The following CACNA1I variants were observed in gnomAD, a reference collection of about 807,000 sequenced individuals.
The protein encoded by CACNA1I is voltage-dependent T-type calcium channel subunit alpha-1I.
Under a neutral mutation model 201.6 loss-of-function variants are expected in CACNA1I, and 74 were observed. The observed-to-expected ratio is 0.37, with a 90% confidence interval of 0.30 to 0.45. The LOEUF (loss-of-function observed/expected upper bound fraction) is 0.45, where lower values mean the gene tolerates loss of function less well. Among genes scored for constraint, CACNA1I ranks in the 20% least tolerant of loss-of-function variants. The pLI is 1.00. For synonymous variants in CACNA1I, 1,431 were observed against 1,345.2 expected (o/e 1.06, Z -1.40); for missense variants, 2,346 against 3,138.1 (o/e 0.75, Z 6.03).
At chr22:39,635,275 C>T (rs1934178754) in intron 5 of CACNA1I, among the ~76,000 whole-genome samples, 1 of 152,188 alleles carries the variant, frequency 6.6e-6, no homozygotes, top group African/African-American at 2.4e-5. Flanking sequence ...AATAGGAGAG[C>T]ATCTTCATCC....
At chr22:39,590,380 C>A (rs1932807239) in intron 1 of CACNA1I, among the ~76,000 whole-genome samples, 1 of 152,222 alleles carries the variant, frequency 6.6e-6, no homozygotes, top group Admixed American at 6.5e-5. Flanking sequence ...TTCTGAACCA[C>A]AGCAGGGGCT....
At chr22:39,634,774 C>CA (rs768578306) in intron 5 of CACNA1I, 50 bp downstream of exon 5, 3 of 1,570,004 alleles carry the variant, frequency 1.9e-6, no homozygotes, top group Non-Finnish European at 2.6e-6. Context: ...CTTACTAAGA[C>CA]ACAGTTTTAA....
In CACNA1I at chr22:39,620,273, ATCCATACG is replaced by A. The variant is rs71750228; in HGVS notation, c.580+868_580+875del. 0.018 allele frequency among the ~76,000 whole-genome samples: 898 copies of A among 51,022 alleles called. 12 individuals are homozygous for A. The East Asian group carries it at 0.3, about 17-fold the overall frequency. 33.5% of individuals were successfully genotyped at this position (51,022 alleles called of 152,430 possible). The stretch of plus-strand genomic sequence containing the variant: ...CATCCATCCATCCATCCATCCATCC[ATCCATACG>A]TACATACATACATCTGCTCATCTTT... On this transcript the variant is annotated intron_variant, in intron 4 of 36. Coordinates refer to ENST00000402142, the MANE Select transcript of CACNA1I (RefSeq NM_021096.4).
Position 39,687,170 on chromosome 22 carries a change from C to T in CACNA1I, c.*765C>T, listed in dbSNP as rs1176153291. The T allele has an allele frequency of 2.0e-5, 3 of 152,122 alleles. No homozygotes were observed. The highest frequency in any genetic ancestry group is 4.4e-5 in the Non-Finnish European group (3 of 68,022). The allele number at this position is 152,122 out of a possible 1,614,324, so 9.4% of individuals were successfully genotyped here. On this transcript the variant is annotated 3_prime_UTR_variant, in exon 37 of 37. Coordinates refer to ENST00000402142, the MANE Select transcript of CACNA1I (RefSeq NM_021096.4). ...TGGGGTAGGGGATGGAGAGCAGCTC[C>T]AAGGCTGAGCTGGGGCTCTGGCCCC...
At chr22:39,595,452 C>A (rs868491536) in intron 1 of CACNA1I, among the ~76,000 whole-genome samples, 2 of 150,456 alleles carry the variant, frequency 1.3e-5, no homozygotes, top group African/African-American at 4.9e-5. Context: ...GGTGAAAACC[C>A]GTCTCTACTA....
At chr22:39,652,947 T>C (rs1850434327) in intron 10 of CACNA1I, among the ~76,000 whole-genome samples, 1 of 152,210 alleles carries the variant, frequency 6.6e-6, no homozygotes, top group Admixed American at 6.5e-5. Context: ...AAACCAATCC[T>C]GGTTCTGCTA....
intron 1 of CACNA1I, chr22:39,587,740 C>T (rs775495699): frequency 2.2e-6 from 1 of 451,528 alleles, no homozygotes. Flanking sequence ...GGTGCCCTAG[C>T]AGGTGCCTGT....
At position 39,661,322 on chromosome 22, in the gene CACNA1I, T is replaced by C; in HGVS notation, c.2901+12T>C. ...ACCAGCGCTCCCTGGTGAGTCCTTG[T>C]GGGGAGCTCTGGACGGGCGCTTCCT... On this transcript the variant is annotated intron_variant, in intron 16 of 36. Coordinates refer to ENST00000402142, the MANE Select transcript of CACNA1I (RefSeq NM_021096.4). 6.5e-7 allele frequency: 1 copy of C among 1,539,354 alleles called. No individual in the cohort carries two copies. The highest frequency in any genetic ancestry group is 1.9e-4 in the Middle Eastern group (1 of 5,362).
At chr22:39,642,402 T>C (rs2146421306) in intron 6 of CACNA1I, among the ~76,000 whole-genome samples, 1 of 152,214 alleles carries the variant, frequency 6.6e-6, no homozygotes, top group East Asian at 1.9e-4. Flanking sequence ...TCCACCGAGC[T>C]GCACCCCAGC....
chr22:39,595,841 A>T (rs1042355221), intron 1 of CACNA1I, among the ~76,000 whole-genome samples: 1 of 151,830 alleles, frequency 6.6e-6, no homozygotes, highest in Non-Finnish European at 1.5e-5. Flanking sequence ...ACTAGATGTT[A>T]GGCCGTGAGT....
In CACNA1I at chr22:39,634,619, T is replaced by C; in HGVS notation, c.635T>C (p.Val212Ala). The C allele has an allele frequency of 6.2e-7, 1 of 1,614,002 alleles. No homozygotes were observed. The highest frequency in any genetic ancestry group is 8.5e-7 in the Non-Finnish European group (1 of 1,179,894). The change falls in exon 5 of 37, where the codon GTC becomes GCC. Residue 212 changes from valine to alanine, a missense_variant. Physicochemically the swap from Val to Ala is moderately conservative, Grantham distance 64. Around this residue, in one of 13 missense-constraint regions of CACNA1I, gnomAD observed 227 missense variants for 412.5 expected, o/e 0.55. Transcript: ENST00000402142. ...LLDTLPMLGN[V>A]LLLCFFVFFI... is the part of the protein sequence containing the mutation. ...GACACACTGCCCATGCTGGGGAATGTCCTGCTGCTCTGCTTCTTTGTCTTC... is the reference window on the plus strand; with the variant it reads ...GACACACTGCCCATGCTGGGGAATGCCCTGCTGCTCTGCTTCTTTGTCTTC...
intron 28 of CACNA1I, among the ~76,000 whole-genome samples, 194 bp downstream of exon 28, chr22:39,673,276 C>G (rs112119771): frequency 9.2e-5 from 14 of 152,104 alleles, no homozygotes; most frequent in African/African-American, 2.4e-4. Context: ...CATGCACCCT[C>G]TGTGTGCACA....
At position 39,673,053 on chromosome 22, in the gene CACNA1I, G is replaced by GCAT. The variant is rs1569095580; in HGVS notation, c.4758_4760dup (p.Ile1586dup). The stretch of plus-strand genomic sequence containing the variant: ...CTGCCCATCAATCCCACCATCATCC[G>GCAT]CATCATGAGGGTTCTGCGCATTGCC... On this transcript the variant is annotated inframe_insertion, in exon 28 of 37. Coordinates refer to ENST00000402142, the MANE Select transcript of CACNA1I (RefSeq NM_021096.4). 1 of 1,613,508 alleles carries GCAT rather than the reference G, an allele frequency of 6.2e-7. No homozygotes were observed. The highest frequency in any genetic ancestry group is 1.1e-5 in the South Asian group (1 of 91,056).
At chr22:39,619,069 T>C (rs1941822318) in intron 3 of CACNA1I, among the ~76,000 whole-genome samples, 1 of 152,202 alleles carries the variant, frequency 6.6e-6, no homozygotes, top group African/African-American at 2.4e-5. Context: ...GCCCAACATC[T>C]GTGCTCCCTT....
chr22:39,575,480 C>G (rs940082746), intron 1 of CACNA1I, among the ~76,000 whole-genome samples: 1 of 152,128 alleles, frequency 6.6e-6, no homozygotes, highest in African/African-American at 2.4e-5. Context: ...ACTGCTGAGT[C>G]AACACTCTGC....
chr22:39,573,778 G>C (rs903362888), intron 1 of CACNA1I, among the ~76,000 whole-genome samples: 6 of 152,212 alleles, frequency 3.9e-5, no homozygotes, highest in Admixed American at 1.3e-4. Flanking sequence ...GGTCATGTGG[G>C]TTGTGGCCTG....
At chr22:39,679,923 G>GC in intron 33 of CACNA1I, 55 bp downstream of exon 33, 1 of 1,556,458 alleles carries the variant, frequency 6.4e-7, no homozygotes, top group Non-Finnish European at 8.7e-7. Flanking sequence ...ACGAAACCTG[G>GC]TGGGGGGCCT....
intron 3 of CACNA1I, among the ~76,000 whole-genome samples, chr22:39,615,429 T>C (rs1182708501): frequency 6.6e-6 from 1 of 151,958 alleles, no homozygotes; most frequent in Non-Finnish European, 1.5e-5. Context: ...AGGAGGGCAA[T>C]TGGGAGGCTT....
chr22:39,620,166 T>C (rs1158055379), intron 4 of CACNA1I, among the ~76,000 whole-genome samples: 1 of 120,842 alleles, frequency 8.3e-6, no homozygotes, highest in African/African-American at 3.4e-5. Context: ...CACCCACCCA[T>C]CCATCCATCC....
Sources: gnomAD v4.1 joint callset for allele counts (sites outside exome capture counted in the v4.1 genomes callset) on GRCh38, gnomAD v4.1.1 for gene constraint, gnomAD v4.1.1 regional missense constraint, MANE v1.5 for transcripts, NCBI Gene and HGNC (gene_info 2026-07-23, HGNC 2026-07-21) for gene names.